Variants in ZFR observed in about 807,000 individuals in gnomAD.
ZFR encodes the protein zinc finger RNA-binding protein.
Under a neutral mutation model 130.7 loss-of-function variants are expected in ZFR, and 19 were observed. The observed-to-expected ratio is 0.15, with a 90% CI of 0.10 to 0.21. The LOEUF (loss-of-function observed/expected upper bound fraction) is 0.21, where lower values mean the gene tolerates loss of function less well. Ranked by LOEUF, ZFR falls within the 10% of genes least tolerant of loss-of-function variation. ZFR has a pLI of 1.00. For synonymous variants in ZFR, 466 were observed against 456.9 expected, an observed-to-expected ratio of 1.02 and a Z score of -0.25; for missense variants, 872 against 1,321.5, an observed-to-expected ratio of 0.66 and a Z score of 5.27.
At chr5:32,358,394 C>T (rs762680247) in intron 19 of ZFR, among the ~76,000 whole-genome samples, 11 of 152,250 alleles carry the variant, frequency 7.2e-5, no homozygotes, top group East Asian at 1.9e-4. Context: ...GGCGCGGTGG[C>T]GCAAGCCTGT....
At position 32,385,584 on chromosome 5, in the gene ZFR, T is replaced by C; in HGVS notation, c.2565A>G (p.Ser855=). 1.2e-6 allele frequency: 2 copies of C among 1,613,530 alleles called. No individual in the cohort carries two copies. The highest frequency in any genetic ancestry group is 1.7e-6 in the Non-Finnish European group (2 of 1,179,584). The change falls in exon 15 of 20, where the codon TCA becomes TCG. Residue 855 remains serine (S), a synonymous_variant. Coordinates refer to ENST00000265069, the MANE Select transcript of ZFR (RefSeq NM_016107.5). ...AVSEAAIILN[S]CVEPKMQVTI... ...TGACTTGCATTTTGGGTTCCACACA[T>C]GAATTCAAAATTATTGCCGCTTCAG...
rs556276867 is a variant in ZFR at position 32,417,861 on chromosome 5, G to C, written c.421-69C>G. 2.7e-4 allele frequency: 393 copies of C among 1,482,428 alleles called. 1 individual carries two copies. Among genetic ancestry groups the C allele is most frequent in the Non-Finnish European group, 3.4e-4 (366 of 1,080,396 alleles). 91.8% of individuals were successfully genotyped at this position (1,482,428 alleles called of 1,614,324 possible). A position where few individuals can be genotyped will look rare whatever the true frequency, so the allele number is the denominator to read the frequency against. Reference sequence around the variant, plus strand: ...GAAGGAAAAAAATACTTACTGTATAGAAGTGCAATAAAGGAAAACAAAACA... The same window carrying C: ...GAAGGAAAAAAATACTTACTGTATACAAGTGCAATAAAGGAAAACAAAACA... On this transcript the variant is annotated intron_variant, in intron 3 of 19. Coordinates refer to ENST00000265069, the MANE Select transcript of ZFR (RefSeq NM_016107.5).
intron 15 of ZFR, among the ~76,000 whole-genome samples, chr5:32,380,966 A>G (rs1752923544): frequency 6.6e-6 from 1 of 152,132 alleles, no homozygotes; most frequent in Non-Finnish European, 1.5e-5. Context: ...AGGCATTTCT[A>G]AAAGTTTAAT....
At chr5:32,369,499 A>ACAAAACAAAACAAAACAAAG (rs1752614199) in intron 17 of ZFR, among the ~76,000 whole-genome samples, 1 of 152,090 alleles carries the variant, frequency 6.6e-6, no homozygotes, top group Admixed American at 6.6e-5. Context: ...ACAAAACAAA[A>ACAAAACAAAACAAAACAAAG]CAAAACAAAA....
chr5:32,432,234 G>C (rs892181603), intron 2 of ZFR, among the ~76,000 whole-genome samples: 1 of 152,126 alleles, frequency 6.6e-6, no homozygotes, highest in African/African-American at 2.4e-5. Context: ...TTGCGCCACT[G>C]CAAGTTTGTG....
intron 2 of ZFR, among the ~76,000 whole-genome samples, chr5:32,430,849 G>A (rs1754194892): frequency 6.6e-6 from 1 of 152,178 alleles, no homozygotes; most frequent in Non-Finnish European, 1.5e-5. Context: ...GCTATTGCAG[G>A]CAGATCTCTT....
intron 2 of ZFR, among the ~76,000 whole-genome samples, chr5:32,426,842 T>C (rs1163737846): frequency 6.7e-6 from 1 of 148,382 alleles, no homozygotes; most frequent in Non-Finnish European, 1.5e-5. Flanking sequence ...GGGGCGGAGG[T>C]TGCAGTGAGC....
At chr5:32,422,760 AC>A (rs1215585545) in intron 2 of ZFR, among the ~76,000 whole-genome samples, 3 of 128,630 alleles carry the variant, frequency 2.3e-5, no homozygotes, top group Non-Finnish European at 3.1e-5. Context: ...TGATTGTGCC[AC>A]TGCACTCCAG....
chr5:32,415,520 G>A (rs1277089272), intron 4 of ZFR, among the ~76,000 whole-genome samples: 7 of 92,396 alleles, frequency 7.6e-5, no homozygotes, highest in South Asian at 3.3e-4. Context: ...GTGTGTGCGC[G>A]CGCGCGCGCG....
At position 32,355,895 on chromosome 5, in the gene ZFR, T is replaced by C. The variant is rs765663523; in HGVS notation, c.3090A>G (p.Leu1030=). 3.0e-5 allele frequency: 48 copies of C among 1,604,522 alleles called. No individual in the cohort carries two copies. The South Asian group carries it at 3.5e-4, about 12-fold the overall frequency. Residue 1030 remains leucine, a synonymous_variant, in exon 20 of 20, where the codon CTA becomes CTG. Transcript: ENST00000265069. Reference sequence around the variant, plus strand: ...TCATTTGCGGTAATGGATCCATGCCTAGAACTTTGTGTATCTGGCGGAATG... The same window carrying C: ...TCATTTGCGGTAATGGATCCATGCCCAGAACTTTGTGTATCTGGCGGAATG... ...LLAFRQIHKV[L]GMDPLPQMSQ...
At chr5:32,412,396 T>C (rs1249131925) in intron 5 of ZFR, among the ~76,000 whole-genome samples, 1 of 152,168 alleles carries the variant, frequency 6.6e-6, no homozygotes, top group East Asian at 1.9e-4. Flanking sequence ...AATATCACTA[T>C]CATGAGAGAC....
chr5:32,433,720 T>C (rs1462804542), intron 2 of ZFR, among the ~76,000 whole-genome samples: 2 of 152,236 alleles, frequency 1.3e-5, no homozygotes, highest in African/African-American at 2.4e-5. Context: ...ATATAAAGCA[T>C]CTGTTTTCAG....
At chr5:32,382,314 A>G (rs1752950834) in intron 15 of ZFR, among the ~76,000 whole-genome samples, 1 of 152,114 alleles carries the variant, frequency 6.6e-6, no homozygotes, top group Non-Finnish European at 1.5e-5. Flanking sequence ...CTCAAAAACA[A>G]AGCAAAACAA....
rs187352971 is a variant in ZFR, at chr5:32,434,419, G to A, written c.137+9810C>T. ...TGTGTCAACTTTCTTCTCCTTTGCT[G>A]GTATGGGCAGAGAATGAACAATTTT... On this transcript the variant is annotated intron_variant, in intron 2 of 19. Coordinates refer to ENST00000265069, the MANE Select transcript of ZFR (RefSeq NM_016107.5). 1.2e-3 allele frequency among the ~76,000 whole-genome samples: 177 copies of A among 152,272 alleles called. 2 individuals are homozygous for A. The highest frequency in any genetic ancestry group is 4.2e-3 in the African/African-American group (173 of 41,556).
chr5:32,394,180 A>G (rs1753243789), intron 11 of ZFR, among the ~76,000 whole-genome samples: 1 of 152,246 alleles, frequency 6.6e-6, no homozygotes, highest in African/African-American at 2.4e-5. Flanking sequence ...AATACTCATA[A>G]TAGTCAAAAT....
chr5:32,426,787 C>T (rs1042685461), intron 2 of ZFR, among the ~76,000 whole-genome samples: 5 of 151,960 alleles, frequency 3.3e-5, no homozygotes, highest in Non-Finnish European at 7.4e-5. Context: ...CCTGTAGCCC[C>T]AGCTACTTGG....
intron 8 of ZFR, among the ~76,000 whole-genome samples, chr5:32,401,872 C>T (rs1257398059): frequency 2.0e-5 from 3 of 152,050 alleles, no homozygotes; most frequent in Non-Finnish European, 4.4e-5. Flanking sequence ...GAGATAGAAA[C>T]AAGACTAGGT....
intron 11 of ZFR, among the ~76,000 whole-genome samples, chr5:32,393,957 T>TA (rs1753238558): frequency 1.3e-5 from 2 of 152,142 alleles, no homozygotes; most frequent in African/African-American, 4.8e-5. Context: ...GGAAACTACC[T>TA]AAATATCTAA....
intron 11 of ZFR, among the ~76,000 whole-genome samples, chr5:32,393,223 T>C (rs1399768739): frequency 2.0e-5 from 3 of 152,242 alleles, no homozygotes; most frequent in Admixed American, 1.3e-4. Flanking sequence ...TTTTTTACTG[T>C]ATTTTATTGA....
Sources: gnomAD v4.1 joint callset for allele counts (sites outside exome capture counted in the v4.1 genomes callset) on GRCh38, gnomAD v4.1.1 for gene constraint, MANE v1.5 for transcripts, NCBI Gene and HGNC (gene_info 2026-07-23, HGNC 2026-07-21) for gene names.